Variants in NIT2 observed in about 807,000 individuals in gnomAD.
NIT2 encodes the protein omega-amidase NIT2.
NIT2 carries 46 observed loss-of-function variants against 42.7 expected under a neutral mutation model. The observed-to-expected ratio is 1.08, with a 90% CI of 0.85 to 1.38. NIT2 has a LOEUF of 1.38. Among genes scored for constraint, NIT2 ranks in the 40% most tolerant of loss-of-function variants. The pLI is 0.00. For synonymous variants in NIT2, 123 were observed against 121.9 expected (o/e 1.01, Z -0.06); for missense variants, 309 against 342.5 (o/e 0.90, Z 0.77).
chr3:100,356,512 C>T lies in NIT2; in HGVS notation c.*1244C>T, dbSNP rs1008509911. On this transcript the variant is annotated 3_prime_UTR_variant, in exon 10 of 10. Transcript: ENST00000394140. ...ATTTAAAACACAAGATACATGAGCA[C>T]ACATTCCATTAGCTATTAAGGTGAT... is the stretch of plus-strand genomic sequence containing the variant. The T allele has an allele frequency of 6.6e-6, 1 of 152,200 alleles. No individual in the cohort carries two copies. The highest frequency in any genetic ancestry group is 2.1e-4 in the South Asian group (1 of 4,828). The allele number at this position is 152,200 out of a possible 1,614,324, so 9.4% of individuals were successfully genotyped here.
At chr3:100,335,160 A>C (rs1706054226) in intron 1 of NIT2, 1 of 299,068 alleles carries the variant, frequency 3.3e-6, no homozygotes, top group Non-Finnish European at 6.9e-6. Context: ...GACCTCCTCC[A>C]GCCCCGCCCT....
intron 1 of NIT2, 43 bp downstream of exon 1, chr3:100,334,841 G>GT: frequency 2.6e-6 from 3 of 1,158,004 alleles, no homozygotes; most frequent in African/African-American, 8.0e-5. Flanking sequence ...TTCGGGCCGC[G>GT]GGGGAGGCTT....
At chr3:100,336,917 C>T (rs188656689) in intron 1 of NIT2, among the ~76,000 whole-genome samples, 7 of 152,168 alleles carry the variant, frequency 4.6e-5, no homozygotes, top group African/African-American at 1.2e-4. Flanking sequence ...TCCCTTCCCA[C>T]GAGGCCATAT....
rs112362925 is a variant in NIT2 at position 100,348,089 on chromosome 3, A to C, written c.506-714A>C. 1.9e-3 allele frequency among the ~76,000 whole-genome samples: 286 copies of C among 152,244 alleles called. 1 individual carries two copies. The highest frequency in any genetic ancestry group is 6.4e-3 in the African/African-American group (267 of 41,544). Reference sequence around the variant, plus strand: ...GTATTTTTAATAGAGGTAGGGTTTCATCATGTTGGCCAGGCTGGTCTCGAA... The same window carrying C: ...GTATTTTTAATAGAGGTAGGGTTTCCTCATGTTGGCCAGGCTGGTCTCGAA... On this transcript the variant is annotated intron_variant, in intron 6 of 9. Coordinates refer to ENST00000394140, the MANE Select transcript of NIT2 (RefSeq NM_020202.5).
At position 100,354,806 on chromosome 3, in the gene NIT2, G is replaced by A. The variant is rs746914108; in HGVS notation, c.718G>A (p.Ala240Thr). The A allele has an allele frequency of 3.7e-6, 6 of 1,610,586 alleles. No homozygotes were observed. In the Admixed American group the frequency reaches 8.4e-5, roughly 22 times the overall value. ...TCTAGCCAAAGCTGGCACAGAAGAA[G>A]CAATCGTGTATTCAGACATAGGTAA... ...EVLAKAGTEE[A>T]IVYSDIDLKK... is the part of the protein sequence containing the mutation. The change falls in exon 9 of 10, where the codon GCA becomes ACA. Residue 240 changes from alanine to threonine, a missense_variant. Physicochemically the swap from Ala to Thr is moderately conservative, Grantham distance 58. Coordinates refer to ENST00000394140, the MANE Select transcript of NIT2 (RefSeq NM_020202.5).
intron 5 of NIT2, 159 bp from the exon 6 acceptor site, chr3:100,346,022 C>A: frequency 1.6e-6 from 1 of 626,952 alleles, no homozygotes; most frequent in South Asian, 1.9e-5. Context: ...GAGATGAAGT[C>A]CAAGTAGGAA....
chr3:100,348,792 C>A lies in NIT2; in HGVS notation c.506-11C>A. ...CTGCATCCACTGTTCTTTGGCTTTT[C>A]TCTCCCCAAGGCTGCCAGCTGTTGG... On this transcript the variant is annotated splice_polypyrimidine_tract_variant and intron_variant, in intron 6 of 9. Coordinates refer to ENST00000394140, the MANE Select transcript of NIT2 (RefSeq NM_020202.5). The A allele has an allele frequency of 6.2e-7, 1 of 1,613,444 alleles. No individual in the cohort carries two copies. The highest frequency in any genetic ancestry group is 1.1e-5 in the South Asian group (1 of 91,054).
intron 1 of NIT2, among the ~76,000 whole-genome samples, chr3:100,338,497 GT>G (rs1706105153): frequency 6.6e-6 from 1 of 152,202 alleles, no homozygotes; most frequent in South Asian, 2.1e-4. Flanking sequence ...CGGGATCGAT[GT>G]GCTGTGACCC....
chr3:100,354,526 A>G (rs950318363), intron 8 of NIT2, among the ~76,000 whole-genome samples: 1 of 152,212 alleles, frequency 6.6e-6, no homozygotes, highest in Non-Finnish European at 1.5e-5. Context: ...ATGATCCATA[A>G]TTTTATCACT....
In NIT2 at chr3:100,339,139, C is replaced by T; in HGVS notation, c.60C>T (p.Asn20=). Residue 20 remains asparagine, a synonymous_variant, in exon 2 of 10, where the codon AAC becomes AAT. Coordinates refer to ENST00000394140, the MANE Select transcript of NIT2 (RefSeq NM_020202.5). ...AGATTTCTTCCATCAAATCAGATAA[C>T]GTCACTCGCGCTTGTAGCTTCATCC... ...QLQISSIKSD[N]VTRACSFIRE... The T allele has an allele frequency of 6.2e-6, 10 of 1,614,026 alleles. No homozygotes were observed. Among genetic ancestry groups the T allele is most frequent in the Admixed American group, 3.3e-5 (2 of 60,004 alleles).
At position 100,345,595 on chromosome 3, in the gene NIT2, T is replaced by C. The variant is rs866674809; in HGVS notation, c.347T>C (p.Phe116Ser). ...TTATTTGTGATGCAGATCCATCTGT[T>C]TGACATTGATGTTCCTGGAAAAATT... ...LLAKYRKIHLFDIDVPGKITF... is the reference protein window; with the variant it reads ...LLAKYRKIHLSDIDVPGKITF... Residue 116 changes from phenylalanine to serine, a missense_variant, in exon 5 of 10, where the codon TTT becomes TCT. By Grantham distance (155) the Phe-to-Ser change is radical. Coordinates refer to ENST00000394140, the MANE Select transcript of NIT2 (RefSeq NM_020202.5). The C allele has an allele frequency of 6.2e-7, 1 of 1,609,740 alleles. No individual in the cohort carries two copies. The highest frequency in any genetic ancestry group is 1.7e-4 in the Middle Eastern group (1 of 6,058).
rs190234339 is a variant in NIT2, at chr3:100,344,296, C to G, written c.337-1289C>G. Among the ~76,000 whole-genome samples the G allele has an allele frequency of 1.7e-3, 266 of 152,342 alleles. 5 individuals carry two copies. In the East Asian group the frequency reaches 0.033, roughly 19 times the overall value. Reference sequence around the variant, plus strand: ...TTCCCTGCTTCCACATGTCTGTGTTCTTCTCTTCAGATTTTGTCTGCTTTG... The same window carrying G: ...TTCCCTGCTTCCACATGTCTGTGTTGTTCTCTTCAGATTTTGTCTGCTTTG... On this transcript the variant is annotated intron_variant, in intron 4 of 9. Coordinates refer to ENST00000394140, the MANE Select transcript of NIT2 (RefSeq NM_020202.5).
rs1706145622 is a variant in NIT2, at chr3:100,341,154, A to C, written c.329A>C (p.Tyr110Ser). The stretch of plus-strand genomic sequence containing the variant: ...CCTGATGGAACTTTACTAGCAAAGT[A>C]TAGAAAGGTAAGTAGGAAGTGTGGC... ...FGPDGTLLAKYRKIHLFDIDV... is the reference protein window; with the variant it reads ...FGPDGTLLAKSRKIHLFDIDV... Residue 110 changes from tyrosine (Y) to serine (S), a missense_variant, in exon 4 of 10, where the codon TAT becomes TCT. Tyr to Ser is a moderately radical substitution (Grantham distance 144). Coordinates refer to ENST00000394140, the MANE Select transcript of NIT2 (RefSeq NM_020202.5). The C allele has an allele frequency of 2.5e-6, 4 of 1,609,112 alleles. No homozygotes were observed. Among genetic ancestry groups the C allele is most frequent in the Non-Finnish European group, 2.6e-6 (3 of 1,175,426 alleles).
At chr3:100,339,965 C>G in intron 3 of NIT2, 30 bp downstream of exon 3, 2 of 1,592,206 alleles carry the variant, frequency 1.3e-6, no homozygotes, top group South Asian at 1.1e-5. Flanking sequence ...GTATAATGAC[C>G]TAAACATTAG....
At chr3:100,349,661 C>A in intron 7 of NIT2, 1 of 152,410 alleles carries the variant, frequency 6.6e-6, no homozygotes, top group Non-Finnish European at 1.5e-5. Flanking sequence ...GATCAGGATG[C>A]TTATCCTACC....
At chr3:100,348,159 T>C (rs1706236959) in intron 6 of NIT2, among the ~76,000 whole-genome samples, 1 of 152,236 alleles carries the variant, frequency 6.6e-6, no homozygotes, top group Non-Finnish European at 1.5e-5. Flanking sequence ...CCCAAAGTGC[T>C]GGGATTACAG....
Position 100,339,886 on chromosome 3 carries a change from A to C in NIT2, c.198A>C (p.Thr66=). 1 of 1,613,866 alleles carries C rather than the reference A, an allele frequency of 6.2e-7. No homozygotes were observed. The highest frequency in any genetic ancestry group is 8.5e-7 in the Non-Finnish European group (1 of 1,179,814). Reference sequence around the variant, plus strand: ...CAGAGAAAATTCCTGGTGAATCCACACAGAAGCTTTCTGAAGTAGCAAAGG... The same window carrying C: ...CAGAGAAAATTCCTGGTGAATCCACCCAGAAGCTTTCTGAAGTAGCAAAGG... The part of the protein sequence containing the change: ...EYAEKIPGES[T]QKLSEVAKEC... Residue 66 remains threonine (T), a synonymous_variant, in exon 3 of 10, where the codon ACA becomes ACC. Transcript: ENST00000394140.
In NIT2 at chr3:100,345,600, A is replaced by T. The variant is rs1426739414; in HGVS notation, c.352A>T (p.Ile118Phe). Reference protein sequence around the residue: ...AKYRKIHLFDIDVPGKITFQE... With the variant: ...AKYRKIHLFDFDVPGKITFQE... ...TGTGATGCAGATCCATCTGTTTGAC[A>T]TTGATGTTCCTGGAAAAATTACATT... is the stretch of plus-strand genomic sequence containing the variant. Residue 118 changes from isoleucine to phenylalanine, a missense_variant, in exon 5 of 10, where the codon ATT becomes TTT. Ile to Phe is a conservative substitution (Grantham distance 21). Transcript: ENST00000394140. 5.0e-6 allele frequency: 8 copies of T among 1,611,208 alleles called. No individual in the cohort carries two copies. In the African/African-American group the frequency reaches 5.3e-5, roughly 11 times the overall value.
chr3:100,337,150 C>T (rs981612234), intron 1 of NIT2, among the ~76,000 whole-genome samples: 2 of 152,114 alleles, frequency 1.3e-5, no homozygotes, highest in Non-Finnish European at 2.9e-5. Flanking sequence ...TCAGAGAGCT[C>T]GGGGTTGGGA....
Sources: allele counts gnomAD v4.1 joint callset (sites outside exome capture counted in the v4.1 genomes callset), GRCh38; gene constraint gnomAD v4.1.1; transcripts MANE v1.5; gene names NCBI Gene and HGNC (gene_info 2026-07-23, HGNC 2026-07-21).